The following ANO1 variants were observed in gnomAD, a reference collection of about 807,000 sequenced individuals.
ANO1 encodes the protein anoctamin-1.
In ANO1, 59 loss-of-function variants were observed where a neutral mutation model predicts 124.0. The observed-to-expected ratio is 0.48, with a 90% CI of 0.39 to 0.59. The LOEUF (loss-of-function observed/expected upper bound fraction) is 0.59. Among genes scored for constraint, ANO1 ranks in the 20% least tolerant of loss-of-function variants. The pLI is 0.00. For missense variants in ANO1, 1,059 were observed against 1,328.0 expected (o/e 0.80, Z 3.15); for synonymous variants, 529 against 532.0 (o/e 0.99, Z 0.08).
rs956526532 is a variant in ANO1 at position 70,013,727 on chromosome 11, G to A, written c.58+27561G>A. 1.9e-4 allele frequency among the ~76,000 whole-genome samples: 28 copies of A among 150,622 alleles called. 1 individual carries two copies. The highest frequency in any genetic ancestry group is 1.7e-3 in the East Asian group (9 of 5,164). ...TGAGGCAGGAGAATCGTCCAAACTC[G>A]GGAAGCGGAGGTTGCCATGAACCGA... On this transcript the variant is annotated intron_variant, in intron 1 of 27. Transcript: ENST00000531349.
intron 16 of ANO1, among the ~76,000 whole-genome samples, chr11:70,160,203 A>T (rs1032097127): frequency 1.3e-5 from 2 of 152,076 alleles, no homozygotes; most frequent in Non-Finnish European, 2.9e-5. Flanking sequence ...TTCCTGGAAC[A>T]CGGGGACACA....
intron 12 of ANO1, 72 bp downstream of exon 12, chr11:70,149,864 C>A (rs1009122594): frequency 2.6e-6 from 4 of 1,527,062 alleles, no homozygotes; most frequent in Non-Finnish European, 3.6e-6. Flanking sequence ...CTCCTTGGGA[C>A]TTACACGGAG....
the ANO1 span, among the ~76,000 whole-genome samples, chr11:69,977,432 T>C: frequency 9.2e-5 from 14 of 152,364 alleles, no homozygotes; most frequent in East Asian, 2.7e-3. Flanking sequence ...CTGGGCGTGC[T>C]GCCGACAGAG....
chr11:70,138,612 C>T (rs536324470), intron 11 of ANO1, among the ~76,000 whole-genome samples: 1 of 152,134 alleles, frequency 6.6e-6, no homozygotes, highest in Non-Finnish European at 1.5e-5. Flanking sequence ...TCACTAACTC[C>T]CCCCGAAGGA....
intron 1 of ANO1, among the ~76,000 whole-genome samples, chr11:70,038,833 G>A (rs190279982): frequency 5.3e-5 from 8 of 152,292 alleles, no homozygotes; most frequent in Admixed American, 3.3e-4. Context: ...GTCAGTTCTC[G>A]AAGGGAATGT....
chr11:70,108,426 G>C (rs977201213), intron 6 of ANO1, 22 bp downstream of exon 6: 5 of 1,610,368 alleles, frequency 3.1e-6, no homozygotes, highest in Admixed American at 3.3e-5. Flanking sequence ...TTTGGGGCTT[G>C]AGATCAGCAT....
chr11:70,134,802 G>A (rs910437477), intron 11 of ANO1, among the ~76,000 whole-genome samples: 6 of 152,212 alleles, frequency 3.9e-5, no homozygotes, highest in Admixed American at 1.3e-4. Context: ...TGATGTATCC[G>A]CTGCTCTAAA....
rs147146929 is a variant in ANO1 at position 70,066,597 on chromosome 11, A to G, written c.59-11945A>G. 9.5e-3 allele frequency among the ~76,000 whole-genome samples: 1,316 copies of G among 137,982 alleles called. 17 individuals carry two copies. The highest frequency in any genetic ancestry group is 0.033 in the African/African-American group (1,245 of 37,686). The allele number at this position is 137,982 out of a possible 152,430, so 90.5% of individuals were successfully genotyped here. A position where few individuals can be genotyped will look rare whatever the true frequency, so the allele number is the denominator to read the frequency against. On this transcript the variant is annotated intron_variant, in intron 1 of 27. Transcript: ENST00000531349. The stretch of plus-strand genomic sequence containing the variant: ...AATGTCTGCAATGTGTTGAGGGCAC[A>G]TGGAGTCCTCCTCTCCTTGGTGATT...
chr11:70,095,317 A>AAGGAAGG (rs1565193468), intron 2 of ANO1, among the ~76,000 whole-genome samples: 3 of 81,268 alleles, frequency 3.7e-5, no homozygotes, highest in African/African-American at 1.3e-4. Flanking sequence ...AGAAAGAAAG[A>AAGGAAGG]AAGGAAAGAA....
upstream of ANO1, among the ~76,000 whole-genome samples, chr11:69,981,189 T>G (rs1237527792): frequency 1.3e-5 from 2 of 152,244 alleles, no homozygotes; most frequent in Non-Finnish European, 2.9e-5. Context: ...ACTGGCATTT[T>G]GGGAAACGCT....
At chr11:70,023,637 C>T (rs553926859) in intron 1 of ANO1, among the ~76,000 whole-genome samples, 3 of 152,224 alleles carry the variant, frequency 2.0e-5, no homozygotes, top group Non-Finnish European at 4.4e-5. Flanking sequence ...GTTGTAGCCT[C>T]ATGCTCACAC....
upstream of ANO1, chr11:69,985,737 C>G (rs1856026573): frequency 6.6e-6 from 1 of 152,278 alleles, no homozygotes. Flanking sequence ...GGGGGCGGGC[C>G]GGGACCTGGG....
intron 2 of ANO1, among the ~76,000 whole-genome samples, chr11:70,098,023 C>T (rs1049488418): frequency 1.3e-5 from 2 of 152,208 alleles, no homozygotes; most frequent in South Asian, 4.1e-4. Flanking sequence ...CGTCACATGC[C>T]CCAAAAGCCT....
intron 1 of ANO1, among the ~76,000 whole-genome samples, chr11:70,010,179 G>GTGTGTGTGTATATATATATATATATA: frequency 2.3e-4 from 19 of 83,786 alleles, no homozygotes; most frequent in Non-Finnish European, 3.9e-4. Context: ...GTGTGTGTGT[G>GTGTGTGTGTATATATATATATATATA]TATATATATA....
chr11:70,084,578 C>G (rs1279468369), intron 1 of ANO1, among the ~76,000 whole-genome samples: 1 of 152,170 alleles, frequency 6.6e-6, no homozygotes, highest in African/African-American at 2.4e-5. Context: ...GGCCTTGCAG[C>G]TGGAGAGGGG....
chr11:70,085,625 C>T (rs1448190280), intron 1 of ANO1: 10 of 1,534,212 alleles, frequency 6.5e-6, no homozygotes, highest in Non-Finnish European at 8.7e-7. Flanking sequence ...TGTCCCCTAA[C>T]CAGGGGTAGA....
intron 24 of ANO1, 73 bp downstream of exon 24, chr11:70,182,759 G>T (rs2048976942): frequency 1.6e-5 from 21 of 1,281,120 alleles, no homozygotes; most frequent in Non-Finnish European, 2.0e-5. Context: ...TTTGGACGGG[G>T]CTCAAATCAG....
intron 2 of ANO1, among the ~76,000 whole-genome samples, chr11:70,095,307 A>AGGAAG (rs1254793950): frequency 2.3e-5 from 1 of 43,112 alleles, no homozygotes. Flanking sequence ...AAGGAAAGAA[A>AGGAAG]GAAAGAAAGA....
At chr11:70,156,190 G>A (rs1036947822) in intron 15 of ANO1, among the ~76,000 whole-genome samples, 9 of 152,000 alleles carry the variant, frequency 5.9e-5, no homozygotes, top group East Asian at 1.9e-4. Flanking sequence ...TGGCGGGGAC[G>A]GGGGTGGGGC....
Sources: gnomAD v4.1 joint callset for allele counts (sites outside exome capture counted in the v4.1 genomes callset) on GRCh38, gnomAD v4.1.1 for gene constraint, MANE v1.5 for transcripts, NCBI Gene and HGNC (gene_info 2026-07-23, HGNC 2026-07-21) for gene names.